Variants in ZNF385D observed in about 807,000 individuals in gnomAD.
The protein encoded by ZNF385D is zinc finger protein 659.
Under a neutral mutation model 35.8 loss-of-function variants are expected in ZNF385D, and 15 were observed. That is an observed-to-expected ratio of 0.42 (90% confidence interval 0.28 to 0.64). The LOEUF is 0.64. Among genes scored for constraint, ZNF385D ranks in the 30% least tolerant of loss-of-function variants. The pLI is 0.23. For synonymous variants in ZNF385D, 212 were observed against 186.8 expected, an observed-to-expected ratio of 1.13 and a Z score of -1.10; for missense variants, 474 against 494.6, an observed-to-expected ratio of 0.96 and a Z score of 0.39.
At chr3:21,877,592 G>A (rs1249555379) in intron 3 of ZNF385D, among the ~76,000 whole-genome samples, 1 of 152,052 alleles carries the variant, frequency 6.6e-6, no homozygotes, top group Non-Finnish European at 1.5e-5. Context: ...GGAAAACACA[G>A]CTGTGCTGTA....
chr3:22,121,855 T>A (rs913447674), intron 3 of ZNF385D, among the ~76,000 whole-genome samples: 1 of 152,112 alleles, frequency 6.6e-6, no homozygotes, highest in African/African-American at 2.4e-5. Context: ...ACTTTCTCAC[T>A]GTATATATTC....
At position 21,670,309 on chromosome 3, in the gene ZNF385D, GAA is replaced by G. The variant is rs752980253; in HGVS notation, c.23-5283_23-5282del. On this transcript the variant is annotated intron_variant, in intron 1 of 7. Coordinates refer to ENST00000281523, the MANE Select transcript of ZNF385D (RefSeq NM_024697.3). Reference sequence around the variant, plus strand: ...TTATATTGACATAAATACTTATGTTGAAATTATGTGTTTTTCAATAATAAGCT... The same window carrying G: ...TTATATTGACATAAATACTTATGTTGATTATGTGTTTTTCAATAATAAGCT... Among the ~76,000 whole-genome samples the G allele has an allele frequency of 5.1e-4, 77 of 151,414 alleles. 2 individuals are homozygous for G. The East Asian group carries it at 0.013, about 26-fold the overall frequency.
Position 22,283,742 on chromosome 3 carries a change from G to A in ZNF385D, c.106+88708C>T, listed in dbSNP as rs77587652. 9.8e-3 allele frequency among the ~76,000 whole-genome samples: 1,485 copies of A among 152,228 alleles called. 24 individuals are homozygous for A. Among genetic ancestry groups the A allele is most frequent in the African/African-American group, 0.034 (1,417 of 41,558 alleles). On this transcript the variant is annotated intron_variant, in intron 2 of 5. Coordinates refer to the ZNF385D transcript ENST00000494108. ...AATAAATGTGTGATGTGCTCAGTCT[G>A]TTCCCTAGCACAGTGATCACCCAAT...
chr3:22,287,810 T>C (rs1702102750), intron 2 of ZNF385D, among the ~76,000 whole-genome samples: 1 of 152,050 alleles, frequency 6.6e-6, no homozygotes, highest in African/African-American at 2.4e-5. Flanking sequence ...AGTATTAGAA[T>C]GTTTTAAATC....
chr3:21,798,519 G>A (rs887528399), intron 3 of ZNF385D, among the ~76,000 whole-genome samples: 4 of 152,174 alleles, frequency 2.6e-5, no homozygotes, highest in Admixed American at 1.3e-4. Context: ...GGAAGCGTCT[G>A]CTGCAGTTTC....
At chr3:21,778,817 C>T (rs774509014) in intron 3 of ZNF385D, among the ~76,000 whole-genome samples, 1 of 151,858 alleles carries the variant, frequency 6.6e-6, no homozygotes, top group Non-Finnish European at 1.5e-5. Flanking sequence ...CAGCCACAAA[C>T]TCAAGGAAAA....
chr3:21,683,223 A>G (rs1235722130), intron 1 of ZNF385D, among the ~76,000 whole-genome samples: 1 of 149,990 alleles, frequency 6.7e-6, no homozygotes, highest in African/African-American at 2.5e-5. Context: ...GCAGAATTCT[A>G]TGACAACCCC....
intron 2 of ZNF385D, among the ~76,000 whole-genome samples, chr3:22,223,248 A>G (rs1342253939): frequency 6.6e-6 from 1 of 152,170 alleles, no homozygotes; most frequent in African/African-American, 2.4e-5. Context: ...AAGAAATTTA[A>G]TATACATATT....
intron 3 of ZNF385D, among the ~76,000 whole-genome samples, chr3:21,885,435 A>G (rs1047582087): frequency 1.3e-5 from 2 of 152,022 alleles, no homozygotes; most frequent in Admixed American, 6.6e-5. Flanking sequence ...TGAAAAAAAT[A>G]GTGAATTTCA....
At chr3:21,755,053 C>T (rs1350552770), upstream of ZNF385D, among the ~76,000 whole-genome samples, 2 of 152,222 alleles carry the variant, frequency 1.3e-5, no homozygotes, top group Non-Finnish European at 2.9e-5. Flanking sequence ...GATGGTACTG[C>T]AGGCCACAGT....
chr3:21,488,237 C>A (rs548752510), intron 4 of ZNF385D, among the ~76,000 whole-genome samples: 1 of 151,850 alleles, frequency 6.6e-6, no homozygotes, highest in East Asian at 1.9e-4. Context: ...GATAAGATTT[C>A]TTCTAATCTT....
chr3:21,758,412 C>T (rs2070443746), intron 3 of ZNF385D, among the ~76,000 whole-genome samples: 2 of 152,112 alleles, frequency 1.3e-5, no homozygotes, highest in Admixed American at 6.5e-5. Flanking sequence ...AGACAATGGT[C>T]AGAATTACAT....
intron 3 of ZNF385D, among the ~76,000 whole-genome samples, chr3:21,863,637 T>C (rs1697177663): frequency 2.6e-5 from 4 of 152,082 alleles, no homozygotes; most frequent in Admixed American, 6.6e-5. Context: ...TAAGAAACTA[T>C]GGAAGGTCTA....
At chr3:21,767,852 A>C (rs1169512344) in intron 3 of ZNF385D, among the ~76,000 whole-genome samples, 1 of 152,146 alleles carries the variant, frequency 6.6e-6, no homozygotes, top group Non-Finnish European at 1.5e-5. Context: ...TCTTTATAAT[A>C]ATAAAGCACA....
At chr3:21,667,451 C>T (rs1275748902) in intron 1 of ZNF385D, among the ~76,000 whole-genome samples, 1 of 152,200 alleles carries the variant, frequency 6.6e-6, no homozygotes, top group Non-Finnish European at 1.5e-5. Flanking sequence ...TGTGAGCCAC[C>T]ATGCCCGGCC....
chr3:21,920,250 G>A (rs905181274), intron 3 of ZNF385D, among the ~76,000 whole-genome samples: 1 of 152,110 alleles, frequency 6.6e-6, no homozygotes, highest in Non-Finnish European at 1.5e-5. Flanking sequence ...TTTTGAGAGA[G>A]ATATTGTGAC....
chr3:22,083,225 G>C (rs1468701536), intron 3 of ZNF385D, among the ~76,000 whole-genome samples: 15 of 152,238 alleles, frequency 9.9e-5, no homozygotes, highest in Admixed American at 9.2e-4. Flanking sequence ...GCTGGACGGA[G>C]AATGACTTTG....
rs532015048 is a variant in ZNF385D, at chr3:21,548,570, C to G, written c.276+16004G>C. On this transcript the variant is annotated intron_variant, in intron 3 of 7. Coordinates refer to ENST00000281523, the MANE Select transcript of ZNF385D (RefSeq NM_024697.3). ...ATGAAATAGACTCTCAACACAGATT[C>G]TCCTGTTCCCTTCCATACTTACGGT... Among the ~76,000 whole-genome samples the G allele has an allele frequency of 3.3e-5, 5 of 152,330 alleles. No homozygotes were observed. In the East Asian group the frequency reaches 9.7e-4, roughly 29 times the overall value.
At chr3:21,637,348 T>C (rs1238412268) in intron 2 of ZNF385D, among the ~76,000 whole-genome samples, 1 of 152,158 alleles carries the variant, frequency 6.6e-6, no homozygotes, top group African/African-American at 2.4e-5. Flanking sequence ...CACCATTTGT[T>C]GAAAAGGGTG....
Sources: allele counts gnomAD v4.1 joint callset (sites outside exome capture counted in the v4.1 genomes callset), GRCh38; gene constraint gnomAD v4.1.1; transcripts MANE v1.5; gene names NCBI Gene and HGNC (gene_info 2026-07-23, HGNC 2026-07-21).